EMCN: variants seen among roughly 807,000 people sequenced by gnomAD.
The protein encoded by EMCN is MUC-14.
EMCN carries 37 observed loss-of-function variants against 38.4 expected under a neutral mutation model. The ratio of observed to expected loss-of-function variants is 0.96; its 90% CI spans 0.74 to 1.27. The LOEUF (loss-of-function observed/expected upper bound fraction) is 1.27, where lower values mean the gene tolerates loss of function less well. Among genes scored for constraint, EMCN ranks in the 50% most tolerant of loss-of-function variants. EMCN has a pLI of 0.00. For missense variants in EMCN, 318 were observed against 302.8 expected (o/e 1.05, Z -0.37); for synonymous variants, 95 against 100.8 (o/e 0.94, Z 0.35).
At position 100,459,205 on chromosome 4, in the gene EMCN, CT is replaced by C. The variant is rs1728104616; in HGVS notation, c.376+6217del. ...TCTCTCTCTCTCTCTCTCTCTCTCTCTCTCTCTCTCTCTCTCTCTCTCTCAT... is the reference window on the plus strand; with the variant it reads ...TCTCTCTCTCTCTCTCTCTCTCTCTCCTCTCTCTCTCTCTCTCTCTCTCAT... On this transcript the variant is annotated intron_variant, in intron 4 of 11. Coordinates refer to ENST00000296420, the MANE Select transcript of EMCN (RefSeq NM_016242.4). 6.6e-5 allele frequency among the ~76,000 whole-genome samples: 3 copies of C among 45,236 alleles called. No individual in the cohort carries two copies. The South Asian group carries it at 3.0e-3, about 46-fold the overall frequency. The allele number at this position is 45,236 out of a possible 152,430, so 29.7% of individuals were successfully genotyped here.
chr4:100,443,491 G>T (rs1284616401), intron 5 of EMCN, among the ~76,000 whole-genome samples: 1 of 152,202 alleles, frequency 6.6e-6, no homozygotes, highest in African/African-American at 2.4e-5. Context: ...GGTTGCTAGG[G>T]CAAAGGCTTA....
At chr4:100,477,692 T>C (rs1728698030) in intron 2 of EMCN, among the ~76,000 whole-genome samples, 1 of 152,226 alleles carries the variant, frequency 6.6e-6, no homozygotes, top group Non-Finnish European at 1.5e-5. Context: ...ACAAAGATGC[T>C]TTTCCATGTT....
chr4:100,479,947 C>T lies in EMCN; in HGVS notation c.157G>A (p.Val53Ile). 1.2e-6 allele frequency: 2 copies of T among 1,608,282 alleles called. No individual in the cohort carries two copies. Among genetic ancestry groups the T allele is most frequent in the Non-Finnish European group, 8.5e-7 (1 of 1,177,352 alleles). ...PNTESLQKNV[V>I]TPTTGTTPKG... is the part of the protein sequence containing the mutation. ...GGAGTTGTTCCAGTTGTTGGTGTGA[C>T]AACATTTTTCTGTAATGATTCTGTG... The change falls in exon 2 of 12, where the codon GTC (valine) becomes ATC (isoleucine). Residue 53 changes from valine (V) to isoleucine (I), a missense_variant. Coordinates refer to ENST00000296420, the MANE Select transcript of EMCN (RefSeq NM_016242.4).
intron 2 of EMCN, 134 bp from the exon 3 acceptor site, chr4:100,475,243 C>G (rs374046431): frequency 9.9e-6 from 3 of 304,494 alleles, no homozygotes; most frequent in Non-Finnish European, 1.9e-5. Flanking sequence ...TTTTCCAGTT[C>G]GTTTTGTCTA....
chr4:100,440,333 T>G (rs549692819), intron 5 of EMCN, among the ~76,000 whole-genome samples: 1 of 152,244 alleles, frequency 6.6e-6, no homozygotes, highest in East Asian at 1.9e-4. Context: ...TTAGTGCATC[T>G]GTCACCTGAG....
chr4:100,462,195 T>C (rs1428271650), intron 4 of EMCN, among the ~76,000 whole-genome samples: 1 of 152,146 alleles, frequency 6.6e-6, no homozygotes, highest in South Asian at 2.1e-4. Flanking sequence ...ACAAAAGCAA[T>C]GGACAACAGT....
chr4:100,421,981 T>C (rs1445299060), intron 7 of EMCN, among the ~76,000 whole-genome samples: 1 of 151,908 alleles, frequency 6.6e-6, no homozygotes, highest in Non-Finnish European at 1.5e-5. Context: ...TTCATATTTG[T>C]ATTAAGAGGA....
intron 11 of EMCN, among the ~76,000 whole-genome samples, chr4:100,404,241 G>T (rs552475261): frequency 6.6e-6 from 1 of 152,024 alleles, no homozygotes; most frequent in Non-Finnish European, 1.5e-5. Context: ...TATGATAAAA[G>T]GTAAGGATCC....
chr4:100,487,212 C>T (rs1258834508), intron 1 of EMCN, among the ~76,000 whole-genome samples: 5 of 152,150 alleles, frequency 3.3e-5, no homozygotes, highest in Admixed American at 6.5e-5. Flanking sequence ...TACCTTCCAA[C>T]GAAGTAAGAT....
At chr4:100,487,963 G>T (rs1728983268) in intron 1 of EMCN, among the ~76,000 whole-genome samples, 1 of 152,142 alleles carries the variant, frequency 6.6e-6, no homozygotes, top group South Asian at 2.1e-4. Flanking sequence ...TTTCTTTGGA[G>T]ACAAGGAGAG....
intron 10 of EMCN, among the ~76,000 whole-genome samples, chr4:100,412,935 T>C (rs926685419): frequency 1.3e-5 from 2 of 152,064 alleles, no homozygotes; most frequent in Non-Finnish European, 2.9e-5. Flanking sequence ...CTGGAGAAAA[T>C]GACCAGAACT....
chr4:100,445,506 A>T (rs1727644577), intron 5 of EMCN, among the ~76,000 whole-genome samples: 1 of 152,156 alleles, frequency 6.6e-6, no homozygotes, highest in South Asian at 2.1e-4. Context: ...ATATATTCAA[A>T]GACTGAATCC....
At chr4:100,409,431 T>C (rs2110208887) in intron 11 of EMCN, among the ~76,000 whole-genome samples, 1 of 152,310 alleles carries the variant, frequency 6.6e-6, no homozygotes, top group East Asian at 1.9e-4. Flanking sequence ...AGGTTTAACG[T>C]TGGCCTGAGC....
intron 2 of EMCN, among the ~76,000 whole-genome samples, chr4:100,477,886 C>T (rs905763372): frequency 6.6e-6 from 1 of 152,026 alleles, no homozygotes; most frequent in African/African-American, 2.4e-5. Flanking sequence ...CCCTCAGAGT[C>T]CTGAAATTAG....
At chr4:100,447,484 A>G (rs1187600989) in intron 5 of EMCN, 49 bp downstream of exon 5, 1 of 1,364,598 alleles carries the variant, frequency 7.3e-7, no homozygotes, top group Admixed American at 1.8e-5. Flanking sequence ...TATTCTTGAG[A>G]TTTTACCCAT....
chr4:100,397,278 A>T lies in EMCN; in HGVS notation c.*1135T>A, dbSNP rs1227929566. On this transcript the variant is annotated 3_prime_UTR_variant, in exon 12 of 12. Transcript: ENST00000296420. ...AAAGCTTTCCAAAAAACCTCAGCCA[A>T]CTTGACACTTTGATCTCACATGTCA... 2 of 152,104 alleles carry T rather than the reference A, an allele frequency of 1.3e-5. No individual in the cohort carries two copies. Among genetic ancestry groups the T allele is most frequent in the Non-Finnish European group, 2.9e-5 (2 of 68,014 alleles). The allele number at this position is 152,104 out of a possible 1,614,324, so 9.4% of individuals were successfully genotyped here.
intron 1 of EMCN, among the ~76,000 whole-genome samples, chr4:100,503,834 AATT>A (rs1183667759): frequency 6.6e-6 from 1 of 152,170 alleles, no homozygotes; most frequent in Non-Finnish European, 1.5e-5. Context: ...TTTATTATCT[AATT>A]ATATTAAACC....
At chr4:100,481,231 T>C (rs149139311) in intron 1 of EMCN, among the ~76,000 whole-genome samples, 32 of 152,272 alleles carry the variant, frequency 2.1e-4, no homozygotes, top group African/African-American at 7.2e-4. Flanking sequence ...ATGTCAATAG[T>C]ATGACTTCTC....
At chr4:100,401,833 G>A (rs1255669835) in intron 11 of EMCN, among the ~76,000 whole-genome samples, 1 of 152,120 alleles carries the variant, frequency 6.6e-6, no homozygotes, top group African/African-American at 2.4e-5. Context: ...GCCTTCAAAG[G>A]TGTCTTGGAA....
Sources: allele counts gnomAD v4.1 joint callset (sites outside exome capture counted in the v4.1 genomes callset), GRCh38; gene constraint gnomAD v4.1.1; transcripts MANE v1.5; gene names NCBI Gene and HGNC (gene_info 2026-07-23, HGNC 2026-07-21).